Variants in TSPAN8 observed in about 807,000 individuals in gnomAD.
The protein encoded by TSPAN8 is tetraspanin 8.
TSPAN8 carries 21 observed loss-of-function variants against 32.8 expected under a neutral mutation model. The observed-to-expected ratio is 0.64, with a 90% confidence interval of 0.45 to 0.92. The LOEUF is 0.92. TSPAN8 is among the 40% of genes least tolerant of loss of function. The pLI is 0.00. For missense variants in TSPAN8, 269 were observed against 281.9 expected, an observed-to-expected ratio of 0.95 and a Z score of 0.33; for synonymous variants, 95 against 94.6, an observed-to-expected ratio of 1.00 and a Z score of -0.03.
chr12:71,146,660 A>C (rs1016432274), intron 2 of TSPAN8, among the ~76,000 whole-genome samples: 8 of 152,110 alleles, frequency 5.3e-5, no homozygotes, highest in Non-Finnish European at 1.0e-4. Flanking sequence ...GACTAGGCCT[A>C]CCTTTCCCCT....
intron 4 of TSPAN8, chr12:71,139,151 A>G: frequency 2.2e-6 from 1 of 456,190 alleles, no homozygotes; most frequent in South Asian, 1.5e-5. Flanking sequence ...CACAACCCAC[A>G]CTTGGATTCA....
At chr12:71,125,448 A>T in intron 8 of TSPAN8, 61 bp from the exon 9 acceptor site, 1 of 1,344,870 alleles carries the variant, frequency 7.4e-7, no homozygotes, top group Non-Finnish European at 1.0e-6. Flanking sequence ...ACACATTATA[A>T]ATAAACAGAA....
chr12:71,138,113 T>A (rs556638911), intron 5 of TSPAN8, 43 bp downstream of exon 5: 3 of 1,610,310 alleles, frequency 1.9e-6, no homozygotes, highest in Non-Finnish European at 2.5e-6. Context: ...AGTATTTCAA[T>A]TTTTCAAACT....
chr12:71,140,404 A>G (rs1441983503), intron 3 of TSPAN8, among the ~76,000 whole-genome samples: 2 of 152,254 alleles, frequency 1.3e-5, no homozygotes, highest in Admixed American at 6.5e-5. Flanking sequence ...TGAGCAAGGC[A>G]GAAGGGAAAG....
rs1326101670 is a variant in TSPAN8 at position 71,156,264 on chromosome 12, AAAAACAAAC to A, written c.60+1346_60+1354del. 8.8e-4 allele frequency among the ~76,000 whole-genome samples: 57 copies of A among 65,114 alleles called. 7 individuals are homozygous for A. Among genetic ancestry groups the A allele is most frequent in the African/African-American group, 2.0e-3 (41 of 20,100 alleles). 42.7% of individuals were successfully genotyped at this position (65,114 alleles called of 152,430 possible). On this transcript the variant is annotated intron_variant, in intron 2 of 8. Coordinates refer to ENST00000247829, the MANE Select transcript of TSPAN8 (RefSeq NM_004616.3). ...TCAAAGTTCTCCAAAAAAAAAAAAAAAAAACAAACAAAAAAAAAACTAGAAACAAAACAA... is the reference window on the plus strand; with the variant it reads ...TCAAAGTTCTCCAAAAAAAAAAAAAAAAAAAAAAAACTAGAAACAAAACAA...
intron 3 of TSPAN8, 67 bp downstream of exon 3, chr12:71,144,084 T>A: frequency 7.1e-7 from 1 of 1,402,900 alleles, no homozygotes; most frequent in African/African-American, 1.5e-5. Context: ...ATTATTGTTA[T>A]AACTTTCATT....
chr12:71,144,367 A>C (rs542497249), intron 2 of TSPAN8, among the ~76,000 whole-genome samples, 154 bp from the exon 3 acceptor site: 1 of 152,220 alleles, frequency 6.6e-6, no homozygotes, highest in Non-Finnish European at 1.5e-5. Flanking sequence ...TATACAGATC[A>C]TTGTTGAAAT....
chr12:71,139,145 A>T (rs967182636), intron 4 of TSPAN8: 6 of 456,092 alleles, frequency 1.3e-5, no homozygotes, highest in Admixed American at 7.1e-5. Context: ...TTTTACCACA[A>T]CCCACACTTG....
chr12:71,152,812 A>C (rs1872300534), intron 2 of TSPAN8, among the ~76,000 whole-genome samples: 1 of 152,198 alleles, frequency 6.6e-6, no homozygotes, highest in East Asian at 1.9e-4. Context: ...TATTCCTTTT[A>C]GTGTACCACC....
chr12:71,129,960 T>C (rs1871469421), intron 7 of TSPAN8, among the ~76,000 whole-genome samples: 1 of 150,832 alleles, frequency 6.6e-6, no homozygotes, highest in African/African-American at 2.4e-5. Flanking sequence ...TCTTTTTTTT[T>C]TTTTTTCTTT....
intron 8 of TSPAN8, 111 bp downstream of exon 8, chr12:71,129,220 A>G: frequency 2.5e-6 from 3 of 1,194,868 alleles, no homozygotes; most frequent in South Asian, 1.5e-5. Flanking sequence ...TGCGTTTTTT[A>G]TGGTTGTTGT....
chr12:71,125,812 T>TA (rs1471394874), intron 8 of TSPAN8, among the ~76,000 whole-genome samples: 2 of 152,182 alleles, frequency 1.3e-5, no homozygotes, highest in Non-Finnish European at 2.9e-5. Context: ...ATCATCTGCA[T>TA]AAAAATCAAG....
chr12:71,136,628 A>G (rs1226236975), intron 6 of TSPAN8, among the ~76,000 whole-genome samples: 1 of 152,230 alleles, frequency 6.6e-6, no homozygotes, highest in Non-Finnish European at 1.5e-5. Flanking sequence ...AGTAGTACTT[A>G]GTAAAGTTAA....
chr12:71,139,774 G>C lies in TSPAN8; in HGVS notation c.198C>G (p.Ile66Met). The C allele has an allele frequency of 1.2e-6, 2 of 1,614,062 alleles. No individual in the cohort carries two copies. The highest frequency in any genetic ancestry group is 1.7e-6 in the Non-Finnish European group (2 of 1,179,932). ...AGCATCCCAGGAAGCCCAGAATCAT[G>C]ATGATGGCACCTACAGCAATCAATA... ...VDILIAVGAI[I>M]MILGFLGCCG... Residue 66 changes from isoleucine to methionine, a missense_variant, in exon 4 of 9, where the codon ATC becomes ATG. Physicochemically the swap from Ile to Met is conservative, Grantham distance 10. Transcript: ENST00000247829.
chr12:71,127,508 C>T (rs571197097), intron 8 of TSPAN8, among the ~76,000 whole-genome samples: 1 of 152,204 alleles, frequency 6.6e-6, no homozygotes, highest in South Asian at 2.1e-4. Flanking sequence ...AATTTGACTT[C>T]TCGAATTCAA....
chr12:71,135,541 GAA>G (rs370361945), intron 6 of TSPAN8, among the ~76,000 whole-genome samples: 3 of 145,394 alleles, frequency 2.1e-5, no homozygotes, highest in African/African-American at 5.1e-5. Context: ...GAAGGAGAAG[GAA>G]AGAAGGAGAA....
chr12:71,155,664 C>G (rs952192647), intron 2 of TSPAN8, among the ~76,000 whole-genome samples: 2 of 151,878 alleles, frequency 1.3e-5, no homozygotes, highest in Non-Finnish European at 2.9e-5. Context: ...TTAAAATTGT[C>G]AAATCAATTT....
intron 5 of TSPAN8, 45 bp downstream of exon 5, chr12:71,138,111 A>G (rs1380547652): frequency 6.2e-7 from 1 of 1,610,358 alleles, no homozygotes; most frequent in Admixed American, 1.7e-5. Flanking sequence ...GTAGTATTTC[A>G]ATTTTTCAAA....
Position 71,125,403 on chromosome 12 carries a change from A to G in TSPAN8, c.661-16T>C, listed in dbSNP as rs1462678206. 6.2e-7 allele frequency: 1 copy of G among 1,604,504 alleles called. No individual in the cohort carries two copies. The highest frequency in any genetic ancestry group is 1.1e-5 in the South Asian group (1 of 89,456). On this transcript the variant is annotated splice_polypyrimidine_tract_variant and intron_variant, in intron 8 of 8. Coordinates refer to ENST00000247829, the MANE Select transcript of TSPAN8 (RefSeq NM_004616.3). ...AACCCAGTATCTAGAGAACAAAATA[A>G]CAGGATTAACATGGAATTTAAGGGA...
Sources: gnomAD v4.1 joint callset for allele counts (sites outside exome capture counted in the v4.1 genomes callset) on GRCh38, gnomAD v4.1.1 for gene constraint, MANE v1.5 for transcripts, NCBI Gene and HGNC (gene_info 2026-07-23, HGNC 2026-07-21) for gene names.